TSC22D1: variants seen among roughly 807,000 people sequenced by gnomAD.
TSC22D1 encodes TSC22 domain family protein 1.
In TSC22D1, 9 loss-of-function variants were observed where a neutral mutation model predicts 74.2. The observed-to-expected ratio is 0.12, with a 90% CI of 0.07 to 0.21. TSC22D1 has a LOEUF of 0.21. Among genes scored for constraint, TSC22D1 ranks in the 10% least tolerant of loss-of-function variants. The pLI, the probability that TSC22D1 is intolerant of heterozygous loss-of-function variation, is 1.00. For missense variants in TSC22D1, 1,427 were observed against 1,304.7 expected, an observed-to-expected ratio of 1.09 and a Z score of -1.44; for synonymous variants, 586 against 492.5, an observed-to-expected ratio of 1.19 and a Z score of -2.51.
At chr13:44,436,951 G>A (rs1874726759) in intron 1 of TSC22D1, 1 of 1,016,708 alleles carries the variant, frequency 9.8e-7, no homozygotes, top group Non-Finnish European at 1.2e-6. Flanking sequence ...TCCCTTCCAG[G>A]TCCTCCCGCT....
chr13:44,574,193 G>T lies in TSC22D1; in HGVS notation c.1882C>A (p.Gln628Lys). 1.2e-6 allele frequency: 2 copies of T among 1,614,186 alleles called. No homozygotes were observed. The highest frequency in any genetic ancestry group is 8.5e-7 in the Non-Finnish European group (1 of 1,180,024). ...ACCATTGGTTGCTGTTGTCCATACT[G>T]TAACTGTTGGGGTGGTGGTGCCCCT... ...LPGAPPPQQL[Q>K]YGQQQPMVST... Residue 628 changes from glutamine (Q) to lysine (K), a missense_variant, in exon 1 of 3, where the codon CAG (glutamine) becomes AAG (lysine). Around this residue, in one of 3 missense-constraint regions of TSC22D1, gnomAD observed 1,343 missense variants for 1,191.5 expected, o/e 1.13. Transcript: ENST00000458659.
rs1327774794 is a variant in TSC22D1, at chr13:44,573,228, A to G, written c.2847T>C (p.Ser949=). Residue 949 remains serine (S), a synonymous_variant, in exon 1 of 3, where the codon TCT becomes TCC. Coordinates refer to ENST00000458659, the MANE Select transcript of TSC22D1 (RefSeq NM_183422.4). ...GCACCTTCAACGGGAAAAGAGAAGC[A>G]GAGGCTGCTAGGCTGCTGCTACTCC... ...SDGSSSSLAA[S]ASLFPLKVLP... 66 of 1,614,130 alleles carry G rather than the reference A, an allele frequency of 4.1e-5. No homozygotes were observed. Among genetic ancestry groups the G allele is most frequent in the Non-Finnish European group, 5.1e-5 (60 of 1,180,056 alleles).
At chr13:44,517,780 CATATATAT>C (rs1205399224) in intron 1 of TSC22D1, among the ~76,000 whole-genome samples, 25 of 110,562 alleles carry the variant, frequency 2.3e-4, no homozygotes, top group African/African-American at 7.9e-4. Context: ...TATATATACA[CATATATAT>C]ACATATATAT....
At chr13:44,527,200 A>G (rs958663072) in intron 1 of TSC22D1, among the ~76,000 whole-genome samples, 1 of 152,186 alleles carries the variant, frequency 6.6e-6, no homozygotes, top group African/African-American at 2.4e-5. Flanking sequence ...TTCTGAAAGA[A>G]GGAAAATATA....
At chr13:44,531,458 C>T (rs892327699) in intron 1 of TSC22D1, among the ~76,000 whole-genome samples, 2 of 152,156 alleles carry the variant, frequency 1.3e-5, no homozygotes, top group Non-Finnish European at 2.9e-5. Flanking sequence ...AAACTCTGAG[C>T]TTCAACATTT....
intron 1 of TSC22D1, among the ~76,000 whole-genome samples, chr13:44,550,052 C>G (rs1355623646): frequency 6.6e-6 from 1 of 152,094 alleles, no homozygotes; most frequent in Non-Finnish European, 1.5e-5. Context: ...GACTAATCCA[C>G]GTCTGGAAAG....
At position 44,434,694 on chromosome 13, in the gene TSC22D1, T is replaced by C. The variant is rs200630471; in HGVS notation, c.3154A>G (p.Thr1052Ala). 2 of 1,606,506 alleles carry C rather than the reference T, an allele frequency of 1.2e-6. No individual in the cohort carries two copies. Among genetic ancestry groups the C allele is most frequent in the Non-Finnish European group, 1.7e-6 (2 of 1,177,504 alleles). Residue 1052 changes from threonine to alanine, a missense_variant, in exon 3 of 3, where the codon ACC becomes GCC. Transcript: ENST00000458659. ...QLQTGSPPAT[T>A]QPQGTTQPPA... ...GGCTGTGTGGTGCCCTGTGGCTGGGTGGTGGCAGGGGGGGAGCCAGTCTGC... is the reference window on the plus strand; with the variant it reads ...GGCTGTGTGGTGCCCTGTGGCTGGGCGGTGGCAGGGGGGGAGCCAGTCTGC...
chr13:44,450,001 G>T (rs897311552), intron 1 of TSC22D1, among the ~76,000 whole-genome samples: 3 of 152,068 alleles, frequency 2.0e-5, no homozygotes, highest in African/African-American at 7.2e-5. Context: ...CAGTTGCAGG[G>T]GGCAAGGGGA....
intron 1 of TSC22D1, among the ~76,000 whole-genome samples, chr13:44,471,331 G>A (rs1877591679): frequency 6.6e-6 from 1 of 152,072 alleles, no homozygotes; most frequent in Non-Finnish European, 1.5e-5. Flanking sequence ...TTATTTCTCA[G>A]GTCAAAACTA....
chr13:44,511,622 AC>A (rs1879721818), intron 1 of TSC22D1, among the ~76,000 whole-genome samples: 2 of 94,144 alleles, frequency 2.1e-5, no homozygotes, highest in Admixed American at 2.3e-4. Flanking sequence ...AAAGAAATAC[AC>A]ACACACACAC....
At chr13:44,486,442 T>A (rs1214336386) in intron 1 of TSC22D1, among the ~76,000 whole-genome samples, 1 of 152,118 alleles carries the variant, frequency 6.6e-6, no homozygotes, top group African/African-American at 2.4e-5. Context: ...CAGGAAGATA[T>A]AAGAATTCTA....
At chr13:44,470,455 T>C (rs938123098) in intron 1 of TSC22D1, among the ~76,000 whole-genome samples, 4 of 152,206 alleles carry the variant, frequency 2.6e-5, no homozygotes, top group Non-Finnish European at 5.9e-5. Context: ...ATTATTATTA[T>C]CTCATTCATA....
At chr13:44,557,148 GAA>G (rs1009761458) in intron 1 of TSC22D1, among the ~76,000 whole-genome samples, 1 of 129,886 alleles carries the variant, frequency 7.7e-6, no homozygotes, top group Admixed American at 8.1e-5. Flanking sequence ...AGTCTCAAAG[GAA>G]AAAAAAAAAA....
chr13:44,575,961 G>T lies in TSC22D1; in HGVS notation c.114C>A (p.Ala38=). ...FPRRGSGSGS[A]SALNAAGTGV... Reference sequence around the variant, plus strand: ...CGGTACCTGCTGCATTGAGAGCAGAGGCGCTGCCACTACCGCTGCCCCTTC... The same window carrying T: ...CGGTACCTGCTGCATTGAGAGCAGATGCGCTGCCACTACCGCTGCCCCTTC... Residue 38 remains alanine (A), a synonymous_variant, in exon 1 of 3, where the codon GCC becomes GCA. Coordinates refer to ENST00000458659, the MANE Select transcript of TSC22D1 (RefSeq NM_183422.4). 1.2e-6 allele frequency: 2 copies of T among 1,607,442 alleles called. No homozygotes were observed. The highest frequency in any genetic ancestry group is 1.7e-6 in the Non-Finnish European group (2 of 1,177,332).
chr13:44,511,087 C>G (rs1405716742), intron 1 of TSC22D1, among the ~76,000 whole-genome samples: 1 of 152,096 alleles, frequency 6.6e-6, no homozygotes, highest in Non-Finnish European at 1.5e-5. Context: ...GGGAGACCAT[C>G]CTGGGCAACA....
chr13:44,542,376 T>C (rs1881525755), intron 1 of TSC22D1, among the ~76,000 whole-genome samples: 1 of 152,046 alleles, frequency 6.6e-6, no homozygotes, highest in South Asian at 2.1e-4. Context: ...TGGTCTAAAT[T>C]TAGAATTTCT....
intron 1 of TSC22D1, among the ~76,000 whole-genome samples, chr13:44,449,217 G>C (rs754120581): frequency 7.2e-5 from 11 of 152,212 alleles, no homozygotes; most frequent in Non-Finnish European, 1.3e-4. Context: ...CCCAGTGCCA[G>C]TGAGGTCTAC....
At position 44,488,353 on chromosome 13, in the gene TSC22D1, A is replaced by G. The variant is rs186065056; in HGVS notation, c.2913-52258T>C. The stretch of plus-strand genomic sequence containing the variant: ...TTTAGTACCCCCCCAAAAGTAAAAT[A>G]TCTCATTAATTTTATAATGATTACA... On this transcript the variant is annotated intron_variant, in intron 1 of 2. Transcript: ENST00000458659. Among the ~76,000 whole-genome samples the G allele has an allele frequency of 7.2e-5, 11 of 152,338 alleles. No homozygotes were observed. The East Asian group carries it at 2.1e-3, about 29-fold the overall frequency.
chr13:44,446,742 G>GAA (rs375153995), intron 1 of TSC22D1, among the ~76,000 whole-genome samples: 1 of 84,346 alleles, frequency 1.2e-5, no homozygotes, highest in Non-Finnish European at 2.3e-5. Context: ...TGGGAAGAAT[G>GAA]AAAAAAAAAA....
Sources: gnomAD v4.1 joint callset for allele counts (sites outside exome capture counted in the v4.1 genomes callset) on GRCh38, gnomAD v4.1.1 for gene constraint, gnomAD v4.1.1 regional missense constraint, MANE v1.5 for transcripts, NCBI Gene and HGNC (gene_info 2026-07-23, HGNC 2026-07-21) for gene names.